ARHGAP22: variants seen among roughly 807,000 people sequenced by gnomAD.
ARHGAP22 encodes the protein Rho GTPase activating protein 22.
In ARHGAP22, 48 loss-of-function variants were observed where a neutral mutation model predicts 59.1. The observed-to-expected ratio is 0.81, with a 90% confidence interval of 0.64 to 1.03. The LOEUF is 1.03. Ranked by LOEUF, ARHGAP22 falls within the 50% of genes least tolerant of loss-of-function variation. The pLI is 0.00. For synonymous variants in ARHGAP22, 445 were observed against 416.4 expected, an observed-to-expected ratio of 1.07 and a Z score of -0.84; for missense variants, 1,015 against 958.7, an observed-to-expected ratio of 1.06 and a Z score of -0.78.
At chr10:48,585,354 G>A (rs1416835636) in intron 1 of ARHGAP22, among the ~76,000 whole-genome samples, 1 of 152,032 alleles carries the variant, frequency 6.6e-6, no homozygotes, top group Non-Finnish European at 1.5e-5. Flanking sequence ...GGCCTTCACG[G>A]CCTCCATACT....
At position 48,450,640 on chromosome 10, in the gene ARHGAP22, C is replaced by G. The variant is rs886235398; in HGVS notation, c.1489G>C (p.Ala497Pro). The G allele has an allele frequency of 1.3e-6, 2 of 1,549,888 alleles. No homozygotes were observed. Among genetic ancestry groups the G allele is most frequent in the Non-Finnish European group, 1.7e-6 (2 of 1,146,990 alleles). ...GGTATGCCGGGGACCAGGCCCGGCG[C>G]GGGCACATTGTCGTAGGTGGAGAGT... ...QRLSTYDNVP[A>P]PGLVPGIPSV... Residue 497 changes from alanine (A) to proline (P), a missense_variant, in exon 9 of 10, where the codon GCG becomes CCG. Coordinates refer to ENST00000249601, the MANE Select transcript of ARHGAP22 (RefSeq NM_021226.4).
At chr10:48,517,411 T>C (rs2053393971) in intron 3 of ARHGAP22, among the ~76,000 whole-genome samples, 1 of 152,126 alleles carries the variant, frequency 6.6e-6, no homozygotes, top group African/African-American at 2.4e-5. Flanking sequence ...CATTGAGGTG[T>C]TCCCCATTTT....
chr10:48,434,668 G>A, the ARHGAP22 span, among the ~76,000 whole-genome samples: 1 of 152,164 alleles, frequency 6.6e-6, no homozygotes, highest in East Asian at 1.9e-4. Context: ...GAAAGGATAG[G>A]ACTCCACGAT....
intron 3 of ARHGAP22, among the ~76,000 whole-genome samples, chr10:48,505,999 C>G (rs963621306): frequency 1.3e-5 from 2 of 152,198 alleles, no homozygotes; most frequent in Non-Finnish European, 2.9e-5. Context: ...ATGTGAGAAA[C>G]TTCCCTAATT....
intron 3 of ARHGAP22, among the ~76,000 whole-genome samples, chr10:48,506,969 G>A (rs981972335): frequency 6.6e-6 from 1 of 152,164 alleles, no homozygotes; most frequent in Non-Finnish European, 1.5e-5. Flanking sequence ...GGGCTGGGGA[G>A]CAAAACCTGA....
intron 4 of ARHGAP22, chr10:48,479,316 C>T (rs1211641242): frequency 2.2e-6 from 1 of 463,936 alleles, no homozygotes; most frequent in Non-Finnish European, 3.8e-6. Context: ...ATGTCCTTGT[C>T]TACCATCCCT....
chr10:48,437,619 G>A, the ARHGAP22 span: 22 of 152,214 alleles, frequency 1.4e-4, no homozygotes, highest in Non-Finnish European at 2.6e-4. Flanking sequence ...GTGTTGTTGG[G>A]ATCACTTAGT....
chr10:48,523,386 A>G (rs989089434), intron 3 of ARHGAP22, among the ~76,000 whole-genome samples: 5 of 152,242 alleles, frequency 3.3e-5, no homozygotes, highest in Non-Finnish European at 7.3e-5. Context: ...GGATCATTTC[A>G]GTCAGTCAAG....
chr10:48,443,665 C>T (rs1003643576), downstream of ARHGAP22, among the ~76,000 whole-genome samples: 4 of 151,978 alleles, frequency 2.6e-5, no homozygotes, highest in African/African-American at 9.7e-5. Context: ...TCTGCAGGGG[C>T]CTGGGGTTCT....
At chr10:48,601,617 C>A (rs2135885370) in intron 1 of ARHGAP22, among the ~76,000 whole-genome samples, 1 of 152,300 alleles carries the variant, frequency 6.6e-6, no homozygotes, top group East Asian at 1.9e-4. Flanking sequence ...ACTCCACCCT[C>A]CCAATTAGTT....
chr10:48,551,111 C>A (rs1232777190), intron 3 of ARHGAP22, among the ~76,000 whole-genome samples: 1 of 152,186 alleles, frequency 6.6e-6, no homozygotes, highest in Non-Finnish European at 1.5e-5. Flanking sequence ...GAAATGTAGA[C>A]CTTTCTTTGC....
chr10:48,497,799 G>A (rs186905682), intron 3 of ARHGAP22, among the ~76,000 whole-genome samples: 56 of 152,256 alleles, frequency 3.7e-4, no homozygotes, highest in African/African-American at 1.3e-3. Context: ...CTCAATAAAC[G>A]GACCCCTCTC....
chr10:48,568,812 G>C (rs1016045086), intron 2 of ARHGAP22, among the ~76,000 whole-genome samples: 1 of 152,200 alleles, frequency 6.6e-6, no homozygotes, highest in East Asian at 1.9e-4. Flanking sequence ...CCTCTCCACT[G>C]CCTGGGTTGG....
rs1341707809 is a variant in ARHGAP22 at position 48,446,434 on chromosome 10, C to T, written c.2054G>A (p.Gly685Glu). 5.0e-6 allele frequency: 8 copies of T among 1,614,068 alleles called. No individual in the cohort carries two copies. The highest frequency in any genetic ancestry group is 2.2e-5 in the East Asian group (1 of 44,898). Residue 685 changes from glycine to glutamate, a missense_variant, in exon 10 of 10, where the codon GGA (glycine) becomes GAA (glutamate). By Grantham distance (98) the Gly-to-Glu change is moderately conservative. Transcript: ENST00000249601. ...REMEEFFSTLGSLTVGAKGAR... is the reference protein window; with the variant it reads ...REMEEFFSTLESLTVGAKGAR... ...ACCTTTTGCCCCAACAGTCAAGCTT[C>T]CTAGGGTCGAAAAAAACTCCTCCAT...
chr10:48,485,618 G>C (rs111226113), intron 3 of ARHGAP22, among the ~76,000 whole-genome samples: 2,835 of 152,196 alleles, frequency 0.019, 93 homozygotes, highest in African/African-American at 0.064. Context: ...TATAATTTTA[G>C]ATTTGTCTAT....
At chr10:48,645,137 C>G (rs961706838) in intron 1 of ARHGAP22, among the ~76,000 whole-genome samples, 2 of 152,098 alleles carry the variant, frequency 1.3e-5, no homozygotes, top group African/African-American at 4.8e-5. Context: ...CTTACGCCAA[C>G]AAAGACAGAA....
intron 5 of ARHGAP22, among the ~76,000 whole-genome samples, chr10:48,456,386 G>A (rs2046510681): frequency 2.6e-5 from 4 of 152,114 alleles, no homozygotes; most frequent in Admixed American, 2.6e-4. Context: ...GTGACTCTTG[G>A]TCTGGCTGGA....
chr10:48,632,966 C>A (rs1185642189), intron 1 of ARHGAP22, among the ~76,000 whole-genome samples: 2 of 152,184 alleles, frequency 1.3e-5, no homozygotes. Flanking sequence ...CTTCATCTAC[C>A]CCTGGAAGAT....
chr10:48,577,248 T>C (rs1406397424), intron 2 of ARHGAP22, among the ~76,000 whole-genome samples: 6 of 152,230 alleles, frequency 3.9e-5, no homozygotes, highest in African/African-American at 1.4e-4. Flanking sequence ...TCTCTGAGGA[T>C]ATTACAGTAG....
Sources: allele counts gnomAD v4.1 joint callset (sites outside exome capture counted in the v4.1 genomes callset), GRCh38; gene constraint gnomAD v4.1.1; transcripts MANE v1.5; gene names NCBI Gene and HGNC (gene_info 2026-07-23, HGNC 2026-07-21).